SLCO5A1: variants seen among roughly 807,000 people sequenced by gnomAD.
SLCO5A1 encodes organic anion transporter polypeptide-related protein 4.
Under a neutral mutation model 65.1 loss-of-function variants are expected in SLCO5A1, and 39 were observed. That is an observed-to-expected ratio of 0.60 (90% CI 0.46 to 0.78). The LOEUF is 0.78. Ranked by LOEUF, SLCO5A1 falls within the 30% of genes least tolerant of loss-of-function variation. The pLI, the probability that SLCO5A1 is intolerant of heterozygous loss-of-function variation, is 0.00. For missense variants in SLCO5A1, 1,029 were observed against 1,069.4 expected, an observed-to-expected ratio of 0.96 and a Z score of 0.53; for synonymous variants, 438 against 415.7, an observed-to-expected ratio of 1.05 and a Z score of -0.65.
intron 2 of SLCO5A1, among the ~76,000 whole-genome samples, chr8:69,767,524 A>G (rs1023680052): frequency 6.6e-6 from 1 of 152,194 alleles, no homozygotes; most frequent in African/African-American, 2.4e-5. Context: ...ATTTACTCAC[A>G]GGTTATCATA....
At chr8:69,788,193 T>G (rs1819116823) in intron 2 of SLCO5A1, among the ~76,000 whole-genome samples, 2 of 152,284 alleles carry the variant, frequency 1.3e-5, no homozygotes, top group South Asian at 4.1e-4. Context: ...CACTAACAAT[T>G]ACCCCATTAA....
chr8:69,833,550 T>C (rs1307783865), intron 1 of SLCO5A1: 2 of 152,196 alleles, frequency 1.3e-5, no homozygotes, highest in East Asian at 1.9e-4. Context: ...TTACTCAAAA[T>C]AGAAAATGCC....
At chr8:69,770,370 C>T (rs1257724917) in intron 2 of SLCO5A1, among the ~76,000 whole-genome samples, 2 of 152,084 alleles carry the variant, frequency 1.3e-5, no homozygotes, top group South Asian at 2.1e-4. Flanking sequence ...CGAAGTGGGA[C>T]GATCACTTGA....
At chr8:69,803,985 C>G (rs1044962545) in intron 2 of SLCO5A1, among the ~76,000 whole-genome samples, 8 of 152,108 alleles carry the variant, frequency 5.3e-5, no homozygotes, top group African/African-American at 1.9e-4. Context: ...CCTTCCTCAC[C>G]TCACCACTGG....
intron 2 of SLCO5A1, among the ~76,000 whole-genome samples, chr8:69,820,251 T>C (rs1456329427): frequency 6.6e-6 from 1 of 152,182 alleles, no homozygotes; most frequent in Non-Finnish European, 1.5e-5. Context: ...GAGTGATAAC[T>C]GAGACACAGC....
At chr8:69,776,438 A>T (rs1202541544) in intron 2 of SLCO5A1, among the ~76,000 whole-genome samples, 1 of 152,184 alleles carries the variant, frequency 6.6e-6, no homozygotes, top group African/African-American at 2.4e-5. Context: ...TAGACCTGTA[A>T]TCTCAGCATT....
rs1391024224 is a variant in SLCO5A1 at position 69,702,453 on chromosome 8, T to A, written c.1622+2578A>T. 2.0e-5 allele frequency among the ~76,000 whole-genome samples: 3 copies of A among 152,134 alleles called. No individual in the cohort carries two copies. The East Asian group carries it at 5.8e-4, about 29-fold the overall frequency. The stretch of plus-strand genomic sequence containing the variant: ...TCATTTTTAGAGACTTTATTGTTTG[T>A]GCCATCCTATTAGGCACTATCAAGA... On this transcript the variant is annotated intron_variant, in intron 6 of 9. Coordinates refer to ENST00000260126, the MANE Select transcript of SLCO5A1 (RefSeq NM_030958.3).
At chr8:69,779,607 C>T (rs1808852318) in intron 2 of SLCO5A1, among the ~76,000 whole-genome samples, 1 of 152,060 alleles carries the variant, frequency 6.6e-6, no homozygotes, top group South Asian at 2.1e-4. Flanking sequence ...CACTAACAAC[C>T]TTATGGAAAA....
At chr8:69,785,571 A>G (rs563276718) in intron 2 of SLCO5A1, among the ~76,000 whole-genome samples, 1 of 152,324 alleles carries the variant, frequency 6.6e-6, no homozygotes, top group Non-Finnish European at 1.5e-5. Context: ...AAGTTATCTG[A>G]AATATAAGTT....
In SLCO5A1 at chr8:69,672,482, T is replaced by G. The variant is rs1813365442; in HGVS notation, c.*387A>C. Reference sequence around the variant, plus strand: ...AGTAGGTGTTCATATCTAAAAACTTTGATTTGGAAATGCCAAGTCCTGGGC... The same window carrying G: ...AGTAGGTGTTCATATCTAAAAACTTGGATTTGGAAATGCCAAGTCCTGGGC... On this transcript the variant is annotated 3_prime_UTR_variant, in exon 10 of 10. Transcript: ENST00000260126. The G allele has an allele frequency of 5.1e-6, 1 of 197,042 alleles. No individual in the cohort carries two copies. Among genetic ancestry groups the G allele is most frequent in the Non-Finnish European group, 1.1e-5 (1 of 94,694 alleles). 12.2% of individuals were successfully genotyped at this position (197,042 alleles called of 1,614,324 possible). A position where few individuals can be genotyped will look rare whatever the true frequency, so the allele number is the denominator to read the frequency against.
chr8:69,718,730 G>A (rs1159250162), intron 5 of SLCO5A1, among the ~76,000 whole-genome samples: 3 of 152,208 alleles, frequency 2.0e-5, no homozygotes, highest in Non-Finnish European at 4.4e-5. Context: ...CTGTGCCAAG[G>A]CCTGTTCTAA....
chr8:69,716,262 G>A (rs1423064337), intron 5 of SLCO5A1, among the ~76,000 whole-genome samples: 1 of 152,100 alleles, frequency 6.6e-6, no homozygotes. Context: ...TCTACTTTTT[G>A]GTTATTATGA....
intron 2 of SLCO5A1, among the ~76,000 whole-genome samples, chr8:69,764,416 T>C (rs1817956196): frequency 6.6e-6 from 1 of 152,192 alleles, no homozygotes; most frequent in Non-Finnish European, 1.5e-5. Flanking sequence ...AGCAAGACAG[T>C]AATTTAACAC....
At chr8:69,772,875 C>T (rs1208609737) in intron 2 of SLCO5A1, 2 of 968,260 alleles carry the variant, frequency 2.1e-6, no homozygotes, top group African/African-American at 1.8e-5. Flanking sequence ...CAAAGGTGAA[C>T]AAAACTGATG....
At chr8:69,731,307 G>C (rs1483687337) in intron 5 of SLCO5A1, among the ~76,000 whole-genome samples, 1 of 152,164 alleles carries the variant, frequency 6.6e-6, no homozygotes, top group Non-Finnish European at 1.5e-5. Context: ...GCCAGTAATT[G>C]CAGTTTTTGT....
intron 2 of SLCO5A1, among the ~76,000 whole-genome samples, chr8:69,824,608 C>T (rs1254392083): frequency 6.6e-6 from 1 of 152,188 alleles, no homozygotes; most frequent in Non-Finnish European, 1.5e-5. Flanking sequence ...AGACCAATAA[C>T]AGGAGCTGAA....
chr8:69,681,014 A>C (rs1054650524), intron 7 of SLCO5A1, among the ~76,000 whole-genome samples: 1 of 152,166 alleles, frequency 6.6e-6, no homozygotes, highest in East Asian at 1.9e-4. Flanking sequence ...AAGGATGAAC[A>C]CTCACTCTCA....
intron 2 of SLCO5A1, among the ~76,000 whole-genome samples, chr8:69,790,537 G>A (rs894593403): frequency 3.3e-5 from 5 of 152,136 alleles, no homozygotes; most frequent in African/African-American, 1.2e-4. Context: ...CTACTTGGGA[G>A]GCTGAGCTGG....
rs753582777 is a variant in SLCO5A1 at position 69,751,808 on chromosome 8, A to C, written c.1258+3616T>G. Among the ~76,000 whole-genome samples, 14 of 152,202 alleles carry C rather than the reference A, an allele frequency of 9.2e-5. No individual in the cohort carries two copies. In the South Asian group the frequency reaches 1.2e-3, roughly 14 times the overall value. On this transcript the variant is annotated intron_variant, in intron 4 of 9. Transcript: ENST00000260126. ...GTAATCCGCCCACCTTGGCCTCCTA[A>C]AGTTCTGGGATTACAGGCATAAGCC...
Sources: allele counts gnomAD v4.1 joint callset (sites outside exome capture counted in the v4.1 genomes callset), GRCh38; gene constraint gnomAD v4.1.1; transcripts MANE v1.5; gene names NCBI Gene and HGNC (gene_info 2026-07-23, HGNC 2026-07-21).